AKR1C3: variants seen among roughly 807,000 people sequenced by gnomAD.
AKR1C3 encodes 3-alpha hydroxysteroid dehydrogenase, type II.
A neutral mutation model predicts 43.6 loss-of-function variants in AKR1C3; 48 were observed. The observed-to-expected ratio is 1.10, with a 90% CI of 0.87 to 1.40. AKR1C3 has a LOEUF of 1.40. Among genes scored for constraint, AKR1C3 ranks in the 40% most tolerant of loss-of-function variants. The probability of loss-of-function intolerance (pLI) is 0.00; values close to 1 mark genes in which losing one functional copy is unlikely to be tolerated. For synonymous variants in AKR1C3, 162 were observed against 139.6 expected (o/e 1.16, Z -1.13); for missense variants, 482 against 391.2 (o/e 1.23, Z -1.96).
At chr10:5,056,275 G>A (rs77261945) in intron 1 of AKR1C3, among the ~76,000 whole-genome samples, 10 of 152,288 alleles carry the variant, frequency 6.6e-5, no homozygotes, top group Middle Eastern at 3.4e-3. Context: ...AGGCAAAGAG[G>A]AACTGGGAGT....
At chr10:5,099,255 A>G in intron 4 of AKR1C3, 72 bp from the exon 5 acceptor site, 1 of 1,598,162 alleles carries the variant, frequency 6.3e-7, no homozygotes, top group South Asian at 1.1e-5. Flanking sequence ...TTGCTCTCAC[A>G]GTTCTGTCTT....
upstream of AKR1C3, chr10:5,094,056 C>G (rs28943577): frequency 6.0e-3 from 996 of 165,734 alleles, 11 homozygotes; most frequent in African/African-American, 0.023. Flanking sequence ...AAAGAAGGGG[C>G]ATTATCACGG....
At chr10:5,075,056 A>C (rs1274569105) in intron 1 of AKR1C3, among the ~76,000 whole-genome samples, 1 of 152,090 alleles carries the variant, frequency 6.6e-6, no homozygotes, top group African/African-American at 2.4e-5. Context: ...TTGGCAAATA[A>C]ATCTCCTAAA....
chr10:5,097,434 C>G lies in AKR1C3; in HGVS notation c.253C>G (p.Leu85Val), dbSNP rs148886004. The G allele has an allele frequency of 1.2e-6, 2 of 1,613,340 alleles. No homozygotes were observed. Among genetic ancestry groups the G allele is most frequent in the Non-Finnish European group, 1.7e-6 (2 of 1,179,652 alleles). The change falls in exon 3 of 9, where the codon CTT (leucine) becomes GTT (valine). Residue 85 changes from leucine (L) to valine (V), a missense_variant and splice_region_variant. Transcript: ENST00000380554. ...CACCTCCATTCTTTAACCTCTGCAG[C>G]TTTGGTCCACTTTTCATCGACCAGA... is the stretch of plus-strand genomic sequence containing the variant. ...KREDIFYTSK[L>V]WSTFHRPELV...
chr10:5,073,484 A>G lies in AKR1C3; in HGVS notation c.85-22926A>G, dbSNP rs565201559. The stretch of plus-strand genomic sequence containing the variant: ...GGAAGACATAGAACAACCCTCCCCT[A>G]CACAGACTCCTCAGTGGGACAGCCC... On this transcript the variant is annotated intron_variant, in intron 1 of 8. Coordinates refer to the AKR1C3 transcript ENST00000439082. 3.3e-5 allele frequency among the ~76,000 whole-genome samples: 5 copies of G among 152,230 alleles called. No individual in the cohort carries two copies. In the East Asian group the frequency reaches 9.7e-4, roughly 29 times the overall value.
intron 1 of AKR1C3, among the ~76,000 whole-genome samples, chr10:5,057,627 T>C (rs1426935492): frequency 1.3e-5 from 2 of 152,206 alleles, no homozygotes; most frequent in Non-Finnish European, 2.9e-5. Context: ...ATAATTCATG[T>C]GCTTTTTTCT....
intron 1 of AKR1C3, among the ~76,000 whole-genome samples, chr10:5,071,106 G>A (rs889980698): frequency 6.6e-6 from 1 of 152,144 alleles, no homozygotes; most frequent in East Asian, 1.9e-4. Flanking sequence ...GAATTATATG[G>A]CTGTATCTTA....
intron 1 of AKR1C3, among the ~76,000 whole-genome samples, chr10:5,079,645 A>G (rs1399405231): frequency 6.6e-6 from 1 of 151,750 alleles, no homozygotes; most frequent in African/African-American, 2.4e-5. Context: ...CCCCTGAGAG[A>G]CTCACATCTG....
chr10:5,105,577 G>T lies in AKR1C3; in HGVS notation c.847-18G>T, dbSNP rs750708796. ...AACTGGCAATCTAAAAATAATAAAA[G>T]TTTTTTATTTCTGATAGGTTTTTGA... is the stretch of plus-strand genomic sequence containing the variant. On this transcript the variant is annotated intron_variant, in intron 7 of 8. Transcript: ENST00000380554. 3.8e-6 allele frequency: 6 copies of T among 1,599,228 alleles called. 1 individual carries two copies. In the African/African-American group the frequency reaches 6.7e-5, roughly 18 times the overall value.
chr10:5,061,901 ATTAAG>A (rs1471910737), intron 1 of AKR1C3, among the ~76,000 whole-genome samples: 1 of 152,220 alleles, frequency 6.6e-6, no homozygotes, highest in Admixed American at 6.5e-5. Flanking sequence ...TTACTCTCAA[ATTAAG>A]GCCAAAATGG....
chr10:5,102,044 A>T, intron 5 of AKR1C3, 57 bp from the exon 6 acceptor site: 1 of 1,099,424 alleles, frequency 9.1e-7, no homozygotes, highest in Non-Finnish European at 1.4e-6. Flanking sequence ...TCATCTTTTC[A>T]ATATTAACAT....
At position 5,103,121 on chromosome 10, in the gene AKR1C3, C is replaced by T. The variant is rs184028512; in HGVS notation, c.846+471C>T. Among the ~76,000 whole-genome samples, 1,155 of 152,198 alleles carry T rather than the reference C, an allele frequency of 7.6e-3. 53 individuals are homozygous for T. Among genetic ancestry groups the T allele is most frequent in the East Asian group, 8.3e-3 (43 of 5,166 alleles). ...GGCCAGGCTAGTTCCAAACTCCTGA[C>T]CTCAGGCAACCCACCTGCTGTGGCC... On this transcript the variant is annotated intron_variant, in intron 7 of 8. Coordinates refer to ENST00000380554, the MANE Select transcript of AKR1C3 (RefSeq NM_003739.6).
At chr10:5,077,437 T>A (rs1393891191) in intron 1 of AKR1C3, among the ~76,000 whole-genome samples, 2 of 152,196 alleles carry the variant, frequency 1.3e-5, no homozygotes, top group African/African-American at 4.8e-5. Context: ...ATGATGTTCT[T>A]GTGGGAAACT....
At chr10:5,072,217 A>ATTT (rs1838625653) in intron 1 of AKR1C3, among the ~76,000 whole-genome samples, 1 of 152,220 alleles carries the variant, frequency 6.6e-6, no homozygotes, top group Non-Finnish European at 1.5e-5. Flanking sequence ...GGCATAAGTC[A>ATTT]AAATAAATGC....
At chr10:5,054,738 C>T (rs782365575) in intron 1 of AKR1C3, among the ~76,000 whole-genome samples, 10 of 152,046 alleles carry the variant, frequency 6.6e-5, no homozygotes, top group African/African-American at 9.7e-5. Flanking sequence ...TGTTTCCTCT[C>T]TCTCCTTCTC....
rs566432966 is a variant in AKR1C3 at position 5,083,035 on chromosome 10, G to A, written c.85-13375G>A. Among the ~76,000 whole-genome samples, 10 of 151,768 alleles carry A rather than the reference G, an allele frequency of 6.6e-5. No homozygotes were observed. The East Asian group carries it at 1.9e-3, about 29-fold the overall frequency. On this transcript the variant is annotated intron_variant, in intron 1 of 8. Coordinates refer to the AKR1C3 transcript ENST00000439082. ...TTCTATTTCTTCCTGATTCAATGTT[G>A]GGAGGTTGTGTGTTTCCAGGAATTT...
At chr10:5,079,182 T>C (rs1838777938) in intron 1 of AKR1C3, among the ~76,000 whole-genome samples, 1 of 152,200 alleles carries the variant, frequency 6.6e-6, no homozygotes, top group Non-Finnish European at 1.5e-5. Flanking sequence ...TTGATGCTCT[T>C]GTCCAGTGTG....
chr10:5,105,040 A>C (rs1175588626), intron 7 of AKR1C3, among the ~76,000 whole-genome samples: 2 of 140,776 alleles, frequency 1.4e-5, no homozygotes, highest in African/African-American at 5.0e-5. Flanking sequence ...CATCCTCTTG[A>C]TATTTAAAGT....
chr10:5,093,911 A>G (rs1297720593), upstream of AKR1C3: 1 of 152,138 alleles, frequency 6.6e-6, no homozygotes, highest in Admixed American at 6.6e-5. Flanking sequence ...TAAAAAGGCA[A>G]ATATTTTTAC....
Sources: allele counts gnomAD v4.1 joint callset (sites outside exome capture counted in the v4.1 genomes callset), GRCh38; gene constraint gnomAD v4.1.1; transcripts MANE v1.5; gene names NCBI Gene and HGNC (gene_info 2026-07-23, HGNC 2026-07-21).